FBXO40: variants seen among roughly 807,000 people sequenced by gnomAD.
FBXO40 encodes the protein F-box only protein 40.
A neutral mutation model predicts 49.9 loss-of-function variants in FBXO40; 50 were observed. The ratio of observed to expected loss-of-function variants is 1.00; its 90% CI spans 0.80 to 1.27. The LOEUF is 1.27. Among genes scored for constraint, FBXO40 ranks in the 50% most tolerant of loss-of-function variants. The pLI, the probability that FBXO40 is intolerant of heterozygous loss-of-function variation, is 0.00. For synonymous variants in FBXO40, 340 were observed against 320.2 expected (o/e 1.06, Z -0.66); for missense variants, 895 against 870.1 (o/e 1.03, Z -0.36).
At chr3:121,618,685 C>T (rs535852270) in intron 1 of FBXO40, among the ~76,000 whole-genome samples, 4 of 151,852 alleles carry the variant, frequency 2.6e-5, no homozygotes, top group East Asian at 1.9e-4. Context: ...CTTGAGCCAC[C>T]GCGCCTGGCT....
Position 121,622,446 on chromosome 3 carries a change from G to A in FBXO40, c.1017G>A (p.Leu339=). 1.2e-6 allele frequency: 2 copies of A among 1,614,218 alleles called. No individual in the cohort carries two copies. Among genetic ancestry groups the A allele is most frequent in the Non-Finnish European group, 1.7e-6 (2 of 1,180,054 alleles). ...PKERDFVYGK[L]EAQEVKTVYT... The stretch of plus-strand genomic sequence containing the variant: ...AGAGAGACTTTGTTTATGGCAAGCT[G>A]GAGGCTCAGGAAGTTAAGACTGTTT... The change falls in exon 3 of 4, where the codon CTG becomes CTA. Residue 339 remains leucine (L), a synonymous_variant. Transcript: ENST00000338040.
intron 1 of FBXO40, among the ~76,000 whole-genome samples, chr3:121,602,766 G>A (rs777779081): frequency 2.6e-5 from 4 of 151,816 alleles, no homozygotes; most frequent in Non-Finnish European, 5.9e-5. Flanking sequence ...TCCACATTAA[G>A]TCCATAATGG....
intron 1 of FBXO40, among the ~76,000 whole-genome samples, chr3:121,616,012 C>A (rs955686169): frequency 6.6e-6 from 1 of 152,194 alleles, no homozygotes; most frequent in Non-Finnish European, 1.5e-5. Flanking sequence ...CACCCTCACA[C>A]TGGGAATTAG....
intron 1 of FBXO40, among the ~76,000 whole-genome samples, chr3:121,620,272 G>GC (rs930935925): frequency 6.6e-6 from 1 of 152,204 alleles, no homozygotes; most frequent in African/African-American, 2.4e-5. Context: ...TTGGTAATAT[G>GC]CCCTATCAGA....
rs547620080 is a variant in FBXO40, at chr3:121,628,221, G to A, written c.*1311G>A. 19 of 220,110 alleles carry A rather than the reference G, an allele frequency of 8.6e-5. No individual in the cohort carries two copies. The East Asian group carries it at 1.5e-3, about 17-fold the overall frequency. The allele number at this position is 220,110 out of a possible 1,614,324, so 13.6% of individuals were successfully genotyped here. On this transcript the variant is annotated 3_prime_UTR_variant, in exon 4 of 4. Transcript: ENST00000338040. ...GGATGGAGTTCACTCTTGTTGCCCA[G>A]GCTGGAGCGCAATGACATGATCTCG...
At position 121,627,579 on chromosome 3, in the gene FBXO40, A is replaced by G. The variant is rs2049069460; in HGVS notation, c.*669A>G. 3.0e-6 allele frequency: 1 copy of G among 330,964 alleles called. No homozygotes were observed. Among genetic ancestry groups the G allele is most frequent in the African/African-American group, 2.1e-5 (1 of 47,206 alleles). 20.5% of individuals were successfully genotyped at this position (330,964 alleles called of 1,614,324 possible). A position where few individuals can be genotyped will look rare whatever the true frequency, so the allele number is the denominator to read the frequency against. ...AGAGTCTGTTGCTAGAATCTTGGCA[A>G]CATACAGCAGGAAAGCCTTGATAAA... On this transcript the variant is annotated 3_prime_UTR_variant, in exon 4 of 4. Transcript: ENST00000338040.
intron 1 of FBXO40, among the ~76,000 whole-genome samples, chr3:121,608,807 T>C (rs1025814429): frequency 6.6e-6 from 1 of 152,164 alleles, no homozygotes; most frequent in African/African-American, 2.4e-5. Context: ...AAAAATAGGC[T>C]ACTGGCTGTG....
chr3:121,594,075 C>T (rs2108842408), intron 1 of FBXO40, among the ~76,000 whole-genome samples: 1 of 152,278 alleles, frequency 6.6e-6, no homozygotes, highest in Admixed American at 6.5e-5. Flanking sequence ...ACCTTGATGG[C>T]TAGGCTGGTC....
intron 1 of FBXO40, among the ~76,000 whole-genome samples, chr3:121,600,901 G>A (rs1006953137): frequency 5.3e-5 from 8 of 152,188 alleles, no homozygotes; most frequent in Admixed American, 3.3e-4. Flanking sequence ...ACCCCATGGG[G>A]GATAAGGATC....
At chr3:121,610,453 G>T (rs1054486130) in intron 1 of FBXO40, among the ~76,000 whole-genome samples, 11 of 152,090 alleles carry the variant, frequency 7.2e-5, no homozygotes, top group Non-Finnish European at 1.5e-4. Flanking sequence ...TGGAGTCAGG[G>T]TCAGTGTTAG....
chr3:121,611,426 G>A (rs1188250285), intron 1 of FBXO40, among the ~76,000 whole-genome samples: 4 of 152,316 alleles, frequency 2.6e-5, no homozygotes, highest in Admixed American at 2.0e-4. Context: ...ACCTGGATGT[G>A]CACGTAGGCC....
chr3:121,599,203 C>A (rs1004832506), intron 1 of FBXO40, among the ~76,000 whole-genome samples: 1 of 152,060 alleles, frequency 6.6e-6, no homozygotes, highest in Non-Finnish European at 1.5e-5. Flanking sequence ...GGTGGTGGCT[C>A]ACACCTGTAA....
chr3:121,621,280 G>T (rs1418155868), intron 2 of FBXO40, among the ~76,000 whole-genome samples, 153 bp from the exon 3 acceptor site: 1 of 152,112 alleles, frequency 6.6e-6, no homozygotes, highest in Non-Finnish European at 1.5e-5. Context: ...GTTATTTCTG[G>T]ATTGTGGGAT....
At chr3:121,611,977 A>G (rs1165373789) in intron 1 of FBXO40, among the ~76,000 whole-genome samples, 2 of 152,236 alleles carry the variant, frequency 1.3e-5, no homozygotes, top group Admixed American at 6.5e-5. Flanking sequence ...GGGCAAAGCT[A>G]CAAATTAACA....
At chr3:121,621,402 G>C (rs755655546) in intron 2 of FBXO40, 31 bp from the exon 3 acceptor site, 1 of 1,574,548 alleles carries the variant, frequency 6.4e-7, no homozygotes. Flanking sequence ...GTATTCATTT[G>C]TTTTCTTCCC....
At chr3:121,598,691 A>C (rs922406560) in intron 1 of FBXO40, among the ~76,000 whole-genome samples, 1 of 152,192 alleles carries the variant, frequency 6.6e-6, no homozygotes, top group Non-Finnish European at 1.5e-5. Flanking sequence ...GATGGAAAGA[A>C]GTGGGCAGAA....
At position 121,622,889 on chromosome 3, in the gene FBXO40, A is replaced by G; in HGVS notation, c.1460A>G (p.Glu487Gly). Residue 487 changes from glutamate (E) to glycine (G), a missense_variant, in exon 3 of 4, where the codon GAG becomes GGG. Transcript: ENST00000338040. ...FTCNKFFRRD[E>G]FPLHFKNVHT... ...TGCAACAAATTCTTCAGGAGGGATG[A>G]GTTCCCCCTGCACTTCAAGAATGTC... 1.2e-6 allele frequency: 2 copies of G among 1,614,226 alleles called. No individual in the cohort carries two copies. The highest frequency in any genetic ancestry group is 1.7e-6 in the Non-Finnish European group (2 of 1,180,034).
chr3:121,607,409 ATGCCATTCTCCTGCCTCAGCC>A (rs2048937923), intron 1 of FBXO40, among the ~76,000 whole-genome samples: 1 of 132,920 alleles, frequency 7.5e-6, no homozygotes. Context: ...TCCTGGGTTC[ATGCCATTCTCCTGCCTCAGCC>A]TCCCAAGTAG....
In FBXO40 at chr3:121,622,500, T is replaced by C. The variant is rs762148803; in HGVS notation, c.1071T>C (p.Cys357=). The C allele has an allele frequency of 1.2e-6, 2 of 1,614,040 alleles. No homozygotes were observed. Among genetic ancestry groups the C allele is most frequent in the Non-Finnish European group, 1.7e-6 (2 of 1,180,042 alleles). The change falls in exon 3 of 4, where the codon TGT becomes TGC. Residue 357 remains cysteine, a synonymous_variant. Transcript: ENST00000338040. The stretch of plus-strand genomic sequence containing the variant: ...CCTTCAAAGTTCCTGTGAGCTACTG[T>C]GGAAAGCGAGCTCGACTTGGAGATG... ...VYTFKVPVSY[C]GKRARLGDAM...
Sources: allele counts gnomAD v4.1 joint callset (sites outside exome capture counted in the v4.1 genomes callset), GRCh38; gene constraint gnomAD v4.1.1; transcripts MANE v1.5; gene names NCBI Gene and HGNC (gene_info 2026-07-23, HGNC 2026-07-21).